The following SH3GL2 variants were observed in gnomAD, a reference collection of about 807,000 sequenced individuals.
SH3GL2 encodes SH3 domain containing GRB2 like 2, endophilin A1.
A neutral mutation model predicts 46.0 loss-of-function variants in SH3GL2; 24 were observed. The observed-to-expected ratio is 0.52, with a 90% CI of 0.38 to 0.73. SH3GL2 has a LOEUF of 0.73. Among genes scored for constraint, SH3GL2 ranks in the 30% least tolerant of loss-of-function variants. The pLI is 0.00. For synonymous variants in SH3GL2, 196 were observed against 147.1 expected, an observed-to-expected ratio of 1.33 and a Z score of -2.40; for missense variants, 413 against 424.2, an observed-to-expected ratio of 0.97 and a Z score of 0.23.
Position 17,616,842 on chromosome 9 carries a change from G to A in SH3GL2, c.45+37555G>A, listed in dbSNP as rs559493614. The stretch of plus-strand genomic sequence containing the variant: ...TAAAAATTAGTTTATGCACTTATTT[G>A]TTACTTTTATTTCTGAATAGATAAT... On this transcript the variant is annotated intron_variant, in intron 1 of 8. Coordinates refer to ENST00000380607, the MANE Select transcript of SH3GL2 (RefSeq NM_003026.5). 6.4e-4 allele frequency among the ~76,000 whole-genome samples: 98 copies of A among 151,974 alleles called. 1 individual carries two copies. Among genetic ancestry groups the A allele is most frequent in the Non-Finnish European group, 1.2e-3 (81 of 67,956 alleles).
chr9:17,646,347 A>G (rs994133801), intron 1 of SH3GL2, among the ~76,000 whole-genome samples: 4 of 151,976 alleles, frequency 2.6e-5, no homozygotes, highest in Non-Finnish European at 5.9e-5. Context: ...GGAGTTTGTT[A>G]TAACCCACCT....
chr9:17,737,631 T>A (rs2118467197), intron 1 of SH3GL2, among the ~76,000 whole-genome samples: 1 of 152,274 alleles, frequency 6.6e-6, no homozygotes. Context: ...TAGGGAAACT[T>A]CTTTGACTGT....
chr9:17,712,652 G>A (rs1381477092), intron 1 of SH3GL2, among the ~76,000 whole-genome samples: 1 of 151,742 alleles, frequency 6.6e-6, no homozygotes, highest in African/African-American at 2.4e-5. Context: ...TATTTATTCT[G>A]TAGCAGTGAT....
intron 6 of SH3GL2, chr9:17,790,414 G>T: frequency 1.0e-6 from 1 of 984,576 alleles, no homozygotes. Context: ...TCCTGACTGT[G>T]GCAGGGGAAG....
intron 1 of SH3GL2, among the ~76,000 whole-genome samples, chr9:17,703,722 A>G (rs1348606742): frequency 6.6e-6 from 1 of 152,106 alleles, no homozygotes; most frequent in African/African-American, 2.4e-5. Flanking sequence ...ATCTCAATAG[A>G]CGCAGAAAAG....
chr9:17,661,713 G>A (rs2117890645), intron 1 of SH3GL2, among the ~76,000 whole-genome samples: 1 of 152,272 alleles, frequency 6.6e-6, no homozygotes, highest in South Asian at 2.1e-4. Flanking sequence ...AGGAGAGTGT[G>A]ATCAAAAGTT....
intron 3 of SH3GL2, among the ~76,000 whole-genome samples, chr9:17,785,783 A>G (rs532646949): frequency 2.6e-5 from 4 of 152,276 alleles, no homozygotes; most frequent in East Asian, 1.9e-4. Flanking sequence ...GTGCTGGAGA[A>G]GTGATTAAGT....
At chr9:17,738,708 A>T (rs1480274126) in intron 1 of SH3GL2, among the ~76,000 whole-genome samples, 1 of 149,164 alleles carries the variant, frequency 6.7e-6, no homozygotes, top group East Asian at 2.0e-4. Context: ...TCATGTGATT[A>T]TGTTTGACAA....
chr9:17,783,180 G>C (rs1221942705), intron 3 of SH3GL2, among the ~76,000 whole-genome samples: 1 of 152,046 alleles, frequency 6.6e-6, no homozygotes, highest in Admixed American at 6.6e-5. Flanking sequence ...ATTTCTCAGG[G>C]ATTCACAGCT....
chr9:17,627,657 G>A (rs2134616780), intron 1 of SH3GL2, among the ~76,000 whole-genome samples: 1 of 152,286 alleles, frequency 6.6e-6, no homozygotes, highest in South Asian at 2.1e-4. Context: ...TGCTGTGGCG[G>A]TGCTCTGATG....
At chr9:17,764,530 G>A (rs1440369196) in intron 3 of SH3GL2, among the ~76,000 whole-genome samples, 1 of 152,244 alleles carries the variant, frequency 6.6e-6, no homozygotes, top group African/African-American at 2.4e-5. Context: ...CTGAATGCTG[G>A]TTCTGAATAA....
intron 8 of SH3GL2, among the ~76,000 whole-genome samples, chr9:17,795,312 A>C (rs1344387297): frequency 6.6e-6 from 1 of 152,230 alleles, no homozygotes; most frequent in Non-Finnish European, 1.5e-5. Flanking sequence ...AAACAGGAAT[A>C]TGCAGCAACT....
At chr9:17,732,325 GT>G (rs1822208403) in intron 1 of SH3GL2, among the ~76,000 whole-genome samples, 2 of 152,206 alleles carry the variant, frequency 1.3e-5, no homozygotes, top group South Asian at 4.1e-4. Context: ...ATGCATGGTG[GT>G]TCAGGGGAAT....
chr9:17,626,661 T>A (rs1195927056), intron 1 of SH3GL2, among the ~76,000 whole-genome samples: 1 of 152,146 alleles, frequency 6.6e-6, no homozygotes, highest in Non-Finnish European at 1.5e-5. Context: ...TCCCTGAAAT[T>A]AGATGCAAAA....
chr9:17,717,940 T>G (rs1821801369), intron 1 of SH3GL2, among the ~76,000 whole-genome samples: 2 of 152,052 alleles, frequency 1.3e-5, no homozygotes, highest in African/African-American at 4.8e-5. Context: ...AATTAATAAG[T>G]TTTAGTGTGT....
intron 6 of SH3GL2, 65 bp downstream of exon 6, chr9:17,789,615 G>A (rs540526042): frequency 6.3e-7 from 1 of 1,598,342 alleles, no homozygotes; most frequent in African/African-American, 1.3e-5. Context: ...TATGTTAAAG[G>A]CCATAACCCT....
intron 1 of SH3GL2, among the ~76,000 whole-genome samples, chr9:17,585,905 C>A (rs1335566557): frequency 1.3e-5 from 2 of 152,064 alleles, no homozygotes; most frequent in African/African-American, 4.8e-5. Context: ...GTAGTACAAC[C>A]CTTCTCAGTG....
At chr9:17,713,507 C>T (rs951680405) in intron 1 of SH3GL2, among the ~76,000 whole-genome samples, 13 of 151,088 alleles carry the variant, frequency 8.6e-5, no homozygotes, top group African/African-American at 2.7e-4. Context: ...GACTTTTATT[C>T]TTTTCTAACA....
intron 1 of SH3GL2, among the ~76,000 whole-genome samples, chr9:17,745,611 G>C (rs1481646324): frequency 6.6e-6 from 1 of 152,034 alleles, no homozygotes; most frequent in Admixed American, 6.6e-5. Context: ...TCCTAAGAGT[G>C]GTCTCTTCTG....
Sources: gnomAD v4.1 joint callset for allele counts (sites outside exome capture counted in the v4.1 genomes callset) on GRCh38, gnomAD v4.1.1 for gene constraint, MANE v1.5 for transcripts, NCBI Gene and HGNC (gene_info 2026-07-23, HGNC 2026-07-21) for gene names.